TBL1X: variants seen among roughly 807,000 people sequenced by gnomAD.
TBL1X encodes the protein F-box-like/WD repeat-containing protein TBL1X.
TBL1X carries 10 observed loss-of-function variants against 50.7 expected under a neutral mutation model. The observed-to-expected ratio is 0.20, with a 90% CI of 0.12 to 0.33. TBL1X has a LOEUF of 0.33. Among genes scored for constraint, TBL1X ranks in the 10% least tolerant of loss-of-function variants. The probability of loss-of-function intolerance (pLI) is 1.00; values close to 1 mark genes in which losing one functional copy is unlikely to be tolerated. For synonymous variants in TBL1X, 190 were observed against 214.7 expected (o/e 0.88, Z 1.01); for missense variants, 340 against 504.4 (o/e 0.67, Z 3.12).
intron 12 of TBL1X, among the ~76,000 whole-genome samples, chrX:9,699,830 C>G (rs756579003): frequency 2.7e-5 from 3 of 111,940 alleles, no homozygotes; most frequent in Non-Finnish European, 5.6e-5. Context: ...GGGAGAGCCA[C>G]TCCTGCACAG....
chrX:9,492,838 GGTGT>G (rs774050435), intron 1 of TBL1X, among the ~76,000 whole-genome samples: 903 of 56,918 alleles, frequency 0.016, 13 homozygotes, highest in Non-Finnish European at 0.022. Context: ...GGGGCTAGAG[GGTGT>G]GTGTGTGTGT....
chrX:9,469,279 C>T (rs893577042), intron 1 of TBL1X, among the ~76,000 whole-genome samples: 5 of 111,781 alleles, frequency 4.5e-5, no homozygotes, highest in East Asian at 2.8e-4. Context: ...TCTCCTGCCT[C>T]GGCCTCCTGA....
At chrX:9,692,769 A>G (rs1420839032) in intron 9 of TBL1X, among the ~76,000 whole-genome samples, 3 of 112,673 alleles carry the variant, frequency 2.7e-5, no homozygotes, top group Non-Finnish European at 5.6e-5. Context: ...CTGTGTATTC[A>G]GTAGCCGTAT....
At chrX:9,676,735 G>A (rs2082996846) in intron 5 of TBL1X, among the ~76,000 whole-genome samples, 1 of 112,111 alleles carries the variant, frequency 8.9e-6, no homozygotes, top group Non-Finnish European at 1.9e-5. Context: ...GTTGAGGACT[G>A]GGCCTTGAGG....
rs764195316 is a variant in TBL1X at position 9,501,823 on chromosome X, C to T, written c.-157C>T. The T allele has an allele frequency of 9.0e-6, 1 of 111,509 alleles. No individual in the cohort carries two copies. The highest frequency in any genetic ancestry group is 3.3e-5 in the African/African-American group (1 of 30,702). The allele number at this position is 111,509 out of a possible 1,213,427, so 9.2% of individuals were successfully genotyped here. On this transcript the variant is annotated 5_prime_UTR_variant, in exon 2 of 18. Transcript: ENST00000645353. ...GAAAATCATACCATATCAGATGCCTCGCAGAGCACCAGGCCCACCGTGAAA... is the reference window on the plus strand; with the variant it reads ...GAAAATCATACCATATCAGATGCCTTGCAGAGCACCAGGCCCACCGTGAAA...
chrX:9,581,683 C>T (rs2082443272), intron 2 of TBL1X, among the ~76,000 whole-genome samples: 1 of 112,088 alleles, frequency 8.9e-6, no homozygotes, highest in African/African-American at 3.2e-5. Context: ...CTTTCATTTG[C>T]TTAGTGCTGC....
At chrX:9,618,125 C>G (rs1361711108) in intron 2 of TBL1X, among the ~76,000 whole-genome samples, 2 of 111,750 alleles carry the variant, frequency 1.8e-5, no homozygotes, top group East Asian at 5.6e-4. Context: ...TAAATGCATA[C>G]AAATATAAGG....
intron 1 of TBL1X, among the ~76,000 whole-genome samples, chrX:9,491,336 A>ATTTTTT (rs1256522168): frequency 1.6e-4 from 4 of 25,304 alleles, no homozygotes; most frequent in African/African-American, 5.5e-4. Context: ...ATATATATAT[A>ATTTTTT]TATTTTTTTT....
intron 5 of TBL1X, among the ~76,000 whole-genome samples, chrX:9,663,927 C>G (rs940262074): frequency 1.8e-5 from 2 of 110,764 alleles, no homozygotes; most frequent in African/African-American, 6.6e-5. Context: ...TAGGAGAGTT[C>G]TTTTGTGTTG....
At chrX:9,478,714 A>G (rs2081863051) in intron 1 of TBL1X, among the ~76,000 whole-genome samples, 2 of 112,233 alleles carry the variant, frequency 1.8e-5, no homozygotes, top group Non-Finnish European at 3.8e-5. Context: ...CCCGCAGATA[A>G]CATCACTGTT....
intron 3 of TBL1X, among the ~76,000 whole-genome samples, chrX:9,653,341 C>G (rs898049147): frequency 1.8e-5 from 2 of 112,448 alleles, no homozygotes; most frequent in African/African-American, 3.2e-5. Context: ...TTGTGTCTAA[C>G]CGGGTGGTGT....
At chrX:9,702,137 C>T (rs1569104572) in intron 12 of TBL1X, among the ~76,000 whole-genome samples, 3 of 111,357 alleles carry the variant, frequency 2.7e-5, no homozygotes, top group Non-Finnish European at 5.6e-5. Flanking sequence ...CGCTGACTGC[C>T]TTTAAGAAAC....
At chrX:9,690,295 C>T (rs2083088875) in intron 7 of TBL1X, among the ~76,000 whole-genome samples, 1 of 112,209 alleles carries the variant, frequency 8.9e-6, no homozygotes, top group Non-Finnish European at 1.9e-5. Context: ...GGCCACACAC[C>T]AGGCTGTTTA....
intron 7 of TBL1X, among the ~76,000 whole-genome samples, chrX:9,690,379 G>A (rs955761732): frequency 9.0e-6 from 1 of 111,724 alleles, no homozygotes; most frequent in African/African-American, 3.3e-5. Flanking sequence ...CCTTTGCGAG[G>A]CCTCTCTCCT....
At position 9,688,106 on chromosome X, in the gene TBL1X, A is replaced by G; in HGVS notation, c.447A>G (p.Ala149=). The G allele has an allele frequency of 8.3e-7, 1 of 1,210,986 alleles. No individual in the cohort carries two copies. Among genetic ancestry groups the G allele is most frequent in the Non-Finnish European group, 1.1e-6 (1 of 895,035 alleles). The change falls in exon 7 of 18, where the codon GCA becomes GCG. Residue 149 remains alanine, a synonymous_variant. Coordinates refer to ENST00000645353, the MANE Select transcript of TBL1X (RefSeq NM_005647.4). ...MPDVVQTRQQ[A]FREKLAQQQA... ...ACGTGGTGCAGACGCGGCAGCAGGCATTCCGAGAGAAGCTCGCTCAGCAGC... is the reference window on the plus strand; with the variant it reads ...ACGTGGTGCAGACGCGGCAGCAGGCGTTCCGAGAGAAGCTCGCTCAGCAGC...
At chrX:9,703,338 C>CA (rs1358132346) in intron 12 of TBL1X, among the ~76,000 whole-genome samples, 1 of 83,203 alleles carries the variant, frequency 1.2e-5, no homozygotes, top group Non-Finnish European at 2.4e-5. Flanking sequence ...CCAGAGAAGC[C>CA]GCCTCTTCCC....
At chrX:9,711,461 T>TA (rs1329465801) in intron 15 of TBL1X, 150 bp from the exon 16 acceptor site, 8 of 485,488 alleles carry the variant, frequency 1.6e-5, no homozygotes, top group Non-Finnish European at 2.4e-5. Context: ...TGTAAGTAGT[T>TA]ACAGTTTAGA....
At chrX:9,516,825 C>A (rs2082082859) in intron 2 of TBL1X, among the ~76,000 whole-genome samples, 1 of 111,862 alleles carries the variant, frequency 8.9e-6, no homozygotes, top group Non-Finnish European at 1.9e-5. Flanking sequence ...TTGAGGAGGT[C>A]ATTTCATATT....
At chrX:9,673,331 A>G (rs1321762821) in intron 5 of TBL1X, among the ~76,000 whole-genome samples, 2 of 112,023 alleles carry the variant, frequency 1.8e-5, no homozygotes, top group East Asian at 5.6e-4. Context: ...CTATCCCCCC[A>G]TCACTGTTTT....
Sources: allele counts gnomAD v4.1 joint callset (sites outside exome capture counted in the v4.1 genomes callset), GRCh38; gene constraint gnomAD v4.1.1; transcripts MANE v1.5; gene names NCBI Gene and HGNC (gene_info 2026-07-23, HGNC 2026-07-21).